PPP1R42: variants seen among roughly 807,000 people sequenced by gnomAD.
PPP1R42 encodes the protein protein phosphatase 1 regulatory subunit 42, also known as leucine rich repeat containing 67.
A neutral mutation model predicts 31.0 loss-of-function variants in PPP1R42; 34 were observed. The ratio of observed to expected loss-of-function variants is 1.10; its 90% CI spans 0.83 to 1.46. PPP1R42 has a LOEUF of 1.46. PPP1R42 is among the 40% of genes most tolerant of loss of function. The probability of loss-of-function intolerance (pLI) is 0.00; values close to 1 mark genes in which losing one functional copy is unlikely to be tolerated. For synonymous variants in PPP1R42, 103 were observed against 109.8 expected, an observed-to-expected ratio of 0.94 and a Z score of 0.39; for missense variants, 268 against 303.0, an observed-to-expected ratio of 0.88 and a Z score of 0.86.
chr8:66,978,416 A>C (rs1288138772), intron 7 of PPP1R42, among the ~76,000 whole-genome samples: 1 of 152,114 alleles, frequency 6.6e-6, no homozygotes, highest in Non-Finnish European at 1.5e-5. Context: ...GGACACAGCC[A>C]AACCATATCA....
At chr8:66,996,064 T>G (rs1164996678) in intron 5 of PPP1R42, among the ~76,000 whole-genome samples, 3 of 152,138 alleles carry the variant, frequency 2.0e-5, no homozygotes, top group African/African-American at 7.2e-5. Context: ...TTATTATTAT[T>G]ATTTGAGACA....
chr8:66,984,001 T>G, intron 6 of PPP1R42: 1 of 895,788 alleles, frequency 1.1e-6, no homozygotes, highest in Middle Eastern at 3.6e-4. Flanking sequence ...GAGCAAGATA[T>G]TCTCCCTTTG....
chr8:67,017,183 G>C (rs561435683), intron 2 of PPP1R42, among the ~76,000 whole-genome samples: 185 of 152,214 alleles, frequency 1.2e-3, no homozygotes, highest in Non-Finnish European at 2.3e-3. Flanking sequence ...ATAAAAATAA[G>C]TTAAATAAGG....
chr8:67,002,210 AT>A (rs35498799), intron 5 of PPP1R42, among the ~76,000 whole-genome samples: 1 of 152,002 alleles, frequency 6.6e-6, no homozygotes, highest in African/African-American at 2.4e-5. Flanking sequence ...GTCTATATAT[AT>A]TTTTTTACAT....
intron 1 of PPP1R42, among the ~76,000 whole-genome samples, chr8:67,024,206 T>C (rs1033825707): frequency 6.6e-6 from 1 of 152,146 alleles, no homozygotes; most frequent in African/African-American, 2.4e-5. Flanking sequence ...ATATTCATAG[T>C]TTGTAAAGTT....
chr8:66,982,213 A>G, intron 6 of PPP1R42, 33 bp from the exon 7 acceptor site: 1 of 1,098,256 alleles, frequency 9.1e-7, no homozygotes, highest in Non-Finnish European at 1.2e-6. Flanking sequence ...AAAAAATACA[A>G]TATATACATA....
intron 1 of PPP1R42, 34 bp from the exon 2 acceptor site, chr8:67,017,865 T>C: frequency 9.0e-7 from 1 of 1,110,224 alleles, no homozygotes; most frequent in Non-Finnish European, 1.2e-6. Flanking sequence ...CATTATGATA[T>C]CATAGCAATT....
At chr8:67,015,678 C>A (rs1182557827) in intron 2 of PPP1R42, among the ~76,000 whole-genome samples, 1 of 150,920 alleles carries the variant, frequency 6.6e-6, no homozygotes, top group Non-Finnish European at 1.5e-5. Context: ...AGCGCCCTAG[C>A]CTCTAGAGTA....
intron 7 of PPP1R42, chr8:66,970,736 T>A (rs1245928059): frequency 2.0e-6 from 1 of 490,832 alleles, no homozygotes; most frequent in Non-Finnish European, 4.0e-6. Context: ...CTACCTTACC[T>A]CAGTGGGTGT....
intron 7 of PPP1R42, among the ~76,000 whole-genome samples, chr8:66,974,770 C>T (rs1814624299): frequency 1.3e-5 from 2 of 152,136 alleles, no homozygotes; most frequent in African/African-American, 2.4e-5. Flanking sequence ...GTATTCTAGG[C>T]ACCTTGTCAA....
chr8:66,970,810 G>A (rs2130911884), intron 7 of PPP1R42: 1 of 639,182 alleles, frequency 1.6e-6, no homozygotes, highest in Non-Finnish European at 2.9e-6. Context: ...TGAGTGTTTG[G>A]GCAGACCAAC....
intron 7 of PPP1R42, among the ~76,000 whole-genome samples, chr8:66,965,667 C>T (rs1814359597): frequency 6.6e-6 from 1 of 152,030 alleles, no homozygotes; most frequent in Non-Finnish European, 1.5e-5. Context: ...GCATCTGCAA[C>T]CCCAGCACTT....
intron 5 of PPP1R42, among the ~76,000 whole-genome samples, chr8:67,004,987 C>T (rs554639565): frequency 1.3e-5 from 2 of 152,222 alleles, no homozygotes; most frequent in African/African-American, 4.8e-5. Flanking sequence ...CAACTTTTGC[C>T]CAGCGTTTTA....
chr8:67,012,952 ACTTAC>A lies in PPP1R42; in HGVS notation c.435+1_435+5del, dbSNP rs1397349952. On this transcript the variant is annotated splice_donor_variant and splice_donor_5th_base_variant and intron_variant, in intron 4 of 7. Transcript: ENST00000685739. LOFTEE classifies it high-confidence loss of function. ...TCCTTGTCAAAATATTCAAATGTGA[ACTTAC>A]TGCCAGAGAATGAAGAGTTCTTGGA... is the stretch of plus-strand genomic sequence containing the variant. 6.3e-7 allele frequency: 1 copy of A among 1,592,216 alleles called. No homozygotes were observed. The highest frequency in any genetic ancestry group is 2.2e-5 in the East Asian group (1 of 44,676).
intron 5 of PPP1R42, among the ~76,000 whole-genome samples, chr8:66,997,220 A>G (rs1815358898): frequency 6.6e-6 from 1 of 152,174 alleles, no homozygotes; most frequent in Admixed American, 6.5e-5. Flanking sequence ...TGGCCACCCT[A>G]TGTCAATGCC....
chr8:67,022,611 GA>G (rs1052200525), intron 1 of PPP1R42, among the ~76,000 whole-genome samples: 4 of 149,382 alleles, frequency 2.7e-5, no homozygotes, highest in African/African-American at 7.4e-5. Flanking sequence ...CTTAATTTCA[GA>G]AAAAAAAAGA....
chr8:66,998,563 C>A (rs1563423871), intron 5 of PPP1R42, among the ~76,000 whole-genome samples: 1 of 152,164 alleles, frequency 6.6e-6, no homozygotes, highest in African/African-American at 2.4e-5. Flanking sequence ...CCTTATTGCA[C>A]TGGCTAAGAC....
intron 2 of PPP1R42, among the ~76,000 whole-genome samples, chr8:67,017,026 C>T (rs1445993926): frequency 6.6e-6 from 1 of 152,018 alleles, no homozygotes; most frequent in Non-Finnish European, 1.5e-5. Flanking sequence ...TAGTTTGCTA[C>T]ACTATACAGT....
intron 5 of PPP1R42, 44 bp downstream of exon 5, chr8:67,010,671 A>T (rs1469663833): frequency 7.6e-7 from 1 of 1,308,674 alleles, no homozygotes; most frequent in Non-Finnish European, 1.1e-6. Context: ...TTTCAATCAT[A>T]ATTTCATGTA....
Sources: allele counts gnomAD v4.1 joint callset (sites outside exome capture counted in the v4.1 genomes callset), GRCh38; gene constraint gnomAD v4.1.1; transcripts MANE v1.5; gene names NCBI Gene and HGNC (gene_info 2026-07-23, HGNC 2026-07-21).